DNAH7: variants seen among roughly 807,000 people sequenced by gnomAD.
DNAH7 encodes the protein dynein axonemal heavy chain 7.
DNAH7 carries 397 observed loss-of-function variants against 444.6 expected under a neutral mutation model. That is an observed-to-expected ratio of 0.89 (90% CI 0.82 to 0.97). The LOEUF is 0.97. Ranked by LOEUF, DNAH7 falls within the 50% of genes least tolerant of loss-of-function variation. The pLI is 0.00. For synonymous variants in DNAH7, 1,636 were observed against 1,624.4 expected (o/e 1.01, Z -0.17); for missense variants, 4,902 against 4,800.8 (o/e 1.02, Z -0.62).
chr2:195,765,154 T>C (rs963952293), intron 61 of DNAH7, among the ~76,000 whole-genome samples: 1 of 152,164 alleles, frequency 6.6e-6, no homozygotes, highest in African/African-American at 2.4e-5. Context: ...CTTCAATAAA[T>C]GGTGCTGGGA....
intron 18 of DNAH7, among the ~76,000 whole-genome samples, chr2:195,958,544 T>C (rs529250823): frequency 9.2e-5 from 14 of 152,296 alleles, no homozygotes. Context: ...GGGTCAACTG[T>C]ATTTCAATTT....
intron 18 of DNAH7, among the ~76,000 whole-genome samples, chr2:195,957,675 G>GT (rs1690780182): frequency 6.6e-6 from 1 of 150,462 alleles, no homozygotes; most frequent in Admixed American, 6.6e-5. Flanking sequence ...TGTATATAAT[G>GT]TATATAATAT....
At chr2:195,808,230 C>T (rs1000546562) in intron 53 of DNAH7, among the ~76,000 whole-genome samples, 1 of 152,072 alleles carries the variant, frequency 6.6e-6, no homozygotes, top group Non-Finnish European at 1.5e-5. Context: ...TATAATACTC[C>T]CCAGTTAGTA....
intron 5 of DNAH7, among the ~76,000 whole-genome samples, chr2:196,043,637 G>A (rs1696914371): frequency 6.6e-6 from 1 of 151,436 alleles, no homozygotes; most frequent in Non-Finnish European, 1.5e-5. Flanking sequence ...ACCCAGAGTG[G>A]GAGAATAAAT....
rs148537467 is a variant in DNAH7, at chr2:195,947,497, T to C, written c.3078+9764A>G. On this transcript the variant is annotated intron_variant, in intron 19 of 64. Transcript: ENST00000312428. ...TGTGACGTTCCCCTCCCTGTGTCCA[T>C]GTGTGCTCATTGTTCTACTCCCATT... Among the ~76,000 whole-genome samples the C allele has an allele frequency of 8.8e-4, 134 of 152,162 alleles. No individual in the cohort carries two copies. The East Asian group carries it at 0.02, about 23-fold the overall frequency.
intron 27 of DNAH7, chr2:195,904,015 A>G (rs1686864536): frequency 1.3e-5 from 2 of 152,196 alleles, no homozygotes; most frequent in South Asian, 4.1e-4. Context: ...GGCCACACTG[A>G]AGCTCTATAA....
At chr2:195,884,479 T>C (rs1204211201) in intron 35 of DNAH7, 106 bp downstream of exon 35, 3 of 787,928 alleles carry the variant, frequency 3.8e-6, no homozygotes, top group East Asian at 2.6e-5. Context: ...CTGTCTCTTA[T>C]GGTAAATAGT....
At chr2:195,806,344 C>T (rs1696709244) in intron 54 of DNAH7, among the ~76,000 whole-genome samples, 1 of 152,048 alleles carries the variant, frequency 6.6e-6, no homozygotes, top group Admixed American at 6.5e-5. Context: ...CAACAAAAAA[C>T]TATATATAAG....
intron 48 of DNAH7, among the ~76,000 whole-genome samples, chr2:195,826,652 A>C (rs778656664): frequency 6.6e-6 from 1 of 152,110 alleles, no homozygotes; most frequent in South Asian, 2.1e-4. Flanking sequence ...TTTTTTCTGG[A>C]AACTGTATAC....
At chr2:195,768,267 G>C (rs1694677671) in intron 61 of DNAH7, among the ~76,000 whole-genome samples, 1 of 148,884 alleles carries the variant, frequency 6.7e-6, no homozygotes, top group South Asian at 2.1e-4. Context: ...AGGCAAATAT[G>C]GCAAATTTAG....
intron 36 of DNAH7, among the ~76,000 whole-genome samples, chr2:195,880,826 AAT>A (rs1367020564): frequency 1.3e-5 from 2 of 152,200 alleles, no homozygotes; most frequent in African/African-American, 4.8e-5. Context: ...TGTGAAAAGT[AAT>A]GTTTTTATGC....
rs1023291611 is a variant in DNAH7, at chr2:195,809,420, T to C, written c.9888+325A>G. On this transcript the variant is annotated intron_variant, in intron 52 of 64. Transcript: ENST00000312428. Reference sequence around the variant, plus strand: ...CACAGATTTCAGTAATTTGCACAAGTCTTTAAAAACATTTACACTACTACC... The same window carrying C: ...CACAGATTTCAGTAATTTGCACAAGCCTTTAAAAACATTTACACTACTACC... Among the ~76,000 whole-genome samples the C allele has an allele frequency of 4.6e-5, 7 of 152,214 alleles. No individual in the cohort carries two copies. The South Asian group carries it at 1.2e-3, about 27-fold the overall frequency.
intron 61 of DNAH7, among the ~76,000 whole-genome samples, chr2:195,768,027 A>G (rs1359035887): frequency 4.0e-5 from 6 of 151,674 alleles, no homozygotes; most frequent in Non-Finnish European, 8.9e-5. Flanking sequence ...TTATTCTTAA[A>G]TTTGATAACT....
chr2:196,009,116 C>A (rs1276161260), intron 10 of DNAH7, among the ~76,000 whole-genome samples: 1 of 152,132 alleles, frequency 6.6e-6, no homozygotes, highest in Non-Finnish European at 1.5e-5. Context: ...GAGGACAGAA[C>A]CAAGCTATTC....
chr2:195,905,256 T>C (rs916015050), intron 27 of DNAH7: 25 of 152,134 alleles, frequency 1.6e-4, no homozygotes, highest in Non-Finnish European at 8.8e-5. Flanking sequence ...ATGAATAACA[T>C]AGCGAACAAA....
At chr2:195,786,816 G>C (rs1695647392) in intron 58 of DNAH7, among the ~76,000 whole-genome samples, 194 bp downstream of exon 58, 2 of 152,142 alleles carry the variant, frequency 1.3e-5, no homozygotes, top group South Asian at 4.1e-4. Flanking sequence ...TAGACAAACT[G>C]ATGTCCTAAC....
chr2:196,050,665 T>C (rs535688032), intron 3 of DNAH7, among the ~76,000 whole-genome samples: 4 of 152,300 alleles, frequency 2.6e-5, no homozygotes, highest in African/African-American at 9.6e-5. Context: ...CAGGGCTTTA[T>C]CAACTGAAAA....
chr2:195,968,703 T>G (rs1691647423), intron 17 of DNAH7, among the ~76,000 whole-genome samples: 1 of 152,180 alleles, frequency 6.6e-6, no homozygotes, highest in African/African-American at 2.4e-5. Flanking sequence ...TGCCTAAGAA[T>G]TCCAGTCCTT....
At chr2:195,812,030 T>C (rs1284831221) in intron 51 of DNAH7, among the ~76,000 whole-genome samples, 1 of 152,176 alleles carries the variant, frequency 6.6e-6, no homozygotes, top group Non-Finnish European at 1.5e-5. Context: ...GATTGACCTT[T>C]TGGGCTATCT....
Sources: allele counts gnomAD v4.1 joint callset (sites outside exome capture counted in the v4.1 genomes callset), GRCh38; gene constraint gnomAD v4.1.1; transcripts MANE v1.5; gene names NCBI Gene and HGNC (gene_info 2026-07-23, HGNC 2026-07-21).